Variants in RYR2 observed in about 807,000 individuals in gnomAD.
RYR2 encodes the protein cardiac muscle ryanodine receptor-calcium release channel.
Under a neutral mutation model 601.1 loss-of-function variants are expected in RYR2, and 227 were observed. That is an observed-to-expected ratio of 0.38 (90% CI 0.34 to 0.42). The LOEUF (loss-of-function observed/expected upper bound fraction) is 0.42. Among genes scored for constraint, RYR2 ranks in the 10% least tolerant of loss-of-function variants. RYR2 has a pLI of 1.00. For synonymous variants in RYR2, 2,223 were observed against 2,175.1 expected, an observed-to-expected ratio of 1.02 and a Z score of -0.61; for missense variants, 4,646 against 6,156.5, an observed-to-expected ratio of 0.75 and a Z score of 8.21.
chr1:237,424,408 G>C (rs1705914390), intron 12 of RYR2, among the ~76,000 whole-genome samples: 1 of 152,098 alleles, frequency 6.6e-6, no homozygotes, highest in African/African-American at 2.4e-5. Context: ...GTATTACTTT[G>C]TTTTTTCACT....
At chr1:237,279,032 T>A (rs1012184147) in intron 2 of RYR2, among the ~76,000 whole-genome samples, 2 of 152,218 alleles carry the variant, frequency 1.3e-5, no homozygotes, top group African/African-American at 4.8e-5. Flanking sequence ...ATATTTAATA[T>A]ACGAGCAGAT....
At chr1:237,567,671 G>A (rs1672232088) in intron 28 of RYR2, among the ~76,000 whole-genome samples, 2 of 151,434 alleles carry the variant, frequency 1.3e-5, no homozygotes, top group Admixed American at 6.6e-5. Flanking sequence ...CTTTTGATTG[G>A]TAAAATCATA....
intron 16 of RYR2, among the ~76,000 whole-genome samples, chr1:237,465,919 C>A (rs1332706550): frequency 6.6e-6 from 1 of 152,124 alleles, no homozygotes; most frequent in Non-Finnish European, 1.5e-5. Context: ...TCATTGTTGA[C>A]CAAATCATTG....
chr1:237,331,082 A>G, intron 3 of RYR2, 100 bp downstream of exon 3: 3 of 954,484 alleles, frequency 3.1e-6, no homozygotes, highest in South Asian at 1.3e-5. Context: ...TTTTGCTAAA[A>G]TAAGTCCATG....
At chr1:237,524,793 A>C (rs898299659) in intron 24 of RYR2, among the ~76,000 whole-genome samples, 14 of 151,652 alleles carry the variant, frequency 9.2e-5, no homozygotes, top group African/African-American at 3.2e-4. Context: ...GGGTGCTGGC[A>C]AAATTCCCTT....
At chr1:237,257,491 GT>G (rs1688107015) in intron 1 of RYR2, among the ~76,000 whole-genome samples, 1 of 152,202 alleles carries the variant, frequency 6.6e-6, no homozygotes, top group Non-Finnish European at 1.5e-5. Flanking sequence ...GAAGGAGGTA[GT>G]TCTAGAATGT....
chr1:237,775,715 A>G lies in RYR2; in HGVS notation c.11775+2067A>G, dbSNP rs969868404. On this transcript the variant is annotated intron_variant, in intron 87 of 104. Coordinates refer to ENST00000366574, the MANE Select transcript of RYR2 (RefSeq NM_001035.3). ...GTTGTATTGTCAAGGTTCCTACAGTAAGACCATGAGGTAGTTGTTGAGAAA... is the reference window on the plus strand; with the variant it reads ...GTTGTATTGTCAAGGTTCCTACAGTGAGACCATGAGGTAGTTGTTGAGAAA... Among the ~76,000 whole-genome samples, 15 of 152,206 alleles carry G rather than the reference A, an allele frequency of 9.9e-5. 1 individual carries two copies. Among genetic ancestry groups the G allele is most frequent in the African/African-American group, 3.6e-4 (15 of 41,466 alleles).
intron 12 of RYR2, among the ~76,000 whole-genome samples, chr1:237,439,650 A>G (rs1707719440): frequency 6.6e-6 from 1 of 152,140 alleles, no homozygotes; most frequent in Non-Finnish European, 1.5e-5. Flanking sequence ...TCTCAAAAAA[A>G]AAAAAATCAT....
In RYR2 at chr1:237,760,975, T is replaced by A. The variant is rs760642707; in HGVS notation, c.11423T>A (p.Phe3808Tyr). ...TATAGTGTCCTTGACCTAAATGCAT[T>A]TGAGCGACAAAACAAAGCTGAAGGT... ...QSCSVLDLNA[F>Y]ERQNKAEGLG... The change falls in exon 84 of 105, where the codon TTT becomes TAT. Residue 3808 changes from phenylalanine to tyrosine, a missense_variant. Phe to Tyr is a conservative substitution (Grantham distance 22, BLOSUM62 3). Transcript: ENST00000366574. 3 of 1,575,974 alleles carry A rather than the reference T, an allele frequency of 1.9e-6. No homozygotes were observed. The highest frequency in any genetic ancestry group is 2.6e-6 in the Non-Finnish European group (3 of 1,159,022).
At chr1:237,111,243 A>G (rs1033130663) in intron 1 of RYR2, among the ~76,000 whole-genome samples, 1 of 152,180 alleles carries the variant, frequency 6.6e-6, no homozygotes, top group African/African-American at 2.4e-5. Context: ...CAACAGTTAC[A>G]TTTTGCTCTT....
intron 29 of RYR2, among the ~76,000 whole-genome samples, chr1:237,580,192 G>A (rs868282461): frequency 5.1e-5 from 6 of 116,524 alleles, no homozygotes; most frequent in African/African-American, 1.3e-4. Flanking sequence ...TTTTGCTCTC[G>A]TTGCCCAGGC....
chr1:237,702,991 A>AT (rs1688086262), intron 66 of RYR2, among the ~76,000 whole-genome samples: 1 of 151,986 alleles, frequency 6.6e-6, no homozygotes, highest in Non-Finnish European at 1.5e-5. Context: ...TATGACCTAT[A>AT]TTAAGGAAGT....
intron 27 of RYR2, among the ~76,000 whole-genome samples, chr1:237,564,651 A>G (rs1671784498): frequency 6.6e-6 from 1 of 152,228 alleles, no homozygotes; most frequent in African/African-American, 2.4e-5. Flanking sequence ...AACAACGTTT[A>G]CGATCCTATT....
At chr1:237,561,930 A>G (rs977298262) in intron 27 of RYR2, among the ~76,000 whole-genome samples, 4 of 152,214 alleles carry the variant, frequency 2.6e-5, no homozygotes, top group African/African-American at 9.7e-5. Context: ...ATTTTATAGC[A>G]TAAAGCAAAA....
intron 102 of RYR2, 116 bp downstream of exon 102, chr1:237,828,561 G>T (rs1663416469): frequency 3.0e-6 from 2 of 669,608 alleles, no homozygotes; most frequent in South Asian, 4.8e-5. Context: ...GGCACAACTT[G>T]TGGTTTCACT....
intron 10 of RYR2, among the ~76,000 whole-genome samples, chr1:237,414,896 A>C (rs935808859): frequency 6.6e-6 from 1 of 152,286 alleles, no homozygotes; most frequent in South Asian, 2.1e-4. Context: ...AAGGGAGAGG[A>C]TTCTACCTCA....
At chr1:237,551,170 T>A (rs1377734620) in intron 27 of RYR2, among the ~76,000 whole-genome samples, 1 of 152,234 alleles carries the variant, frequency 6.6e-6, no homozygotes, top group Non-Finnish European at 1.5e-5. Context: ...ACTAACTATG[T>A]GTTGAACACA....
rs1157366624 is a variant in RYR2, at chr1:237,537,407, T to TTGGCTCG, written c.2906+6897_2906+6898insTGGCTCG. Among the ~76,000 whole-genome samples the TTGGCTCG allele has an allele frequency of 2.4e-3, 372 of 151,860 alleles. 2 individuals are homozygous for TTGGCTCG. The highest frequency in any genetic ancestry group is 8.4e-3 in the African/African-American group (348 of 41,486). ...AGCACAATCTTGGCTCGCTGCAACCTCCGCCTCCCGGGTTCAAGCAATTCT... is the reference window on the plus strand; with the variant it reads ...AGCACAATCTTGGCTCGCTGCAACCTTGGCTCGCCGCCTCCCGGGTTCAAGCAATTCT... On this transcript the variant is annotated intron_variant, in intron 25 of 104. Coordinates refer to ENST00000366574, the MANE Select transcript of RYR2 (RefSeq NM_001035.3).
intron 10 of RYR2, among the ~76,000 whole-genome samples, chr1:237,390,330 C>T (rs370173050): frequency 1.3e-5 from 2 of 152,146 alleles, no homozygotes; most frequent in African/African-American, 4.8e-5. Context: ...GATTGGGGTT[C>T]TGCTCTGCCA....
Sources: gnomAD v4.1 joint callset for allele counts (sites outside exome capture counted in the v4.1 genomes callset) on GRCh38, gnomAD v4.1.1 for gene constraint, MANE v1.5 for transcripts, NCBI Gene and HGNC (gene_info 2026-07-23, HGNC 2026-07-21) for gene names.